Variants in KDM4C observed in about 807,000 individuals in gnomAD.
KDM4C encodes lysine demethylase 4C, also known as lysine-specific demethylase 4C.
A neutral mutation model predicts 129.3 loss-of-function variants in KDM4C; 81 were observed. That is an observed-to-expected ratio of 0.63 (90% CI 0.52 to 0.75). The LOEUF is 0.75. Among genes scored for constraint, KDM4C ranks in the 30% least tolerant of loss-of-function variants. The pLI is 0.00. For missense variants in KDM4C, 1,457 were observed against 1,304.0 expected, an observed-to-expected ratio of 1.12 and a Z score of -1.81; for synonymous variants, 573 against 456.1, an observed-to-expected ratio of 1.26 and a Z score of -3.26.
Position 6,745,091 on chromosome 9 carries a change from T to G in KDM4C, c.49+24094T>G, listed in dbSNP as rs566352187. On this transcript the variant is annotated intron_variant, in intron 1 of 17. Transcript: ENST00000536108. ...CACTGGAGATGTTTGCAGCAGCAGT[T>G]TTTGACCCCATTTTCTGGGTCAAAC... Among the ~76,000 whole-genome samples the G allele has an allele frequency of 3.3e-5, 5 of 152,216 alleles. No homozygotes were observed. In the East Asian group the frequency reaches 7.7e-4, roughly 23 times the overall value.
intron 5 of KDM4C, among the ~76,000 whole-genome samples, chr9:6,858,721 A>C (rs955725402): frequency 1.3e-5 from 2 of 152,008 alleles, no homozygotes; most frequent in African/African-American, 2.4e-5. Context: ...TCAGTGAGCC[A>C]ACATCGTGTC....
chr9:7,054,091 C>T (rs917493376), intron 17 of KDM4C, among the ~76,000 whole-genome samples: 4 of 152,222 alleles, frequency 2.6e-5, no homozygotes, highest in African/African-American at 9.6e-5. Flanking sequence ...CCTATTACTG[C>T]AAACCCCTTC....
intron 6 of KDM4C, among the ~76,000 whole-genome samples, chr9:6,886,943 T>A (rs1047230570): frequency 3.3e-5 from 5 of 152,194 alleles, no homozygotes; most frequent in Non-Finnish European, 5.9e-5. Context: ...TTGAGTTATC[T>A]GCATAGAGAG....
chr9:7,168,987 G>T (rs2130477641), intron 20 of KDM4C, among the ~76,000 whole-genome samples: 1 of 150,492 alleles, frequency 6.6e-6, no homozygotes, highest in South Asian at 2.1e-4. Flanking sequence ...TGAGGTTGCA[G>T]TGAGCTGAGA....
intron 19 of KDM4C, among the ~76,000 whole-genome samples, chr9:7,160,556 G>A (rs901449089): frequency 2.0e-5 from 3 of 152,144 alleles, no homozygotes; most frequent in Non-Finnish European, 2.9e-5. Context: ...ATTCCCTTCC[G>A]GTTGTTAGTT....
intron 8 of KDM4C, among the ~76,000 whole-genome samples, chr9:6,944,662 T>G (rs1032087997): frequency 1.4e-5 from 2 of 144,506 alleles, no homozygotes; most frequent in African/African-American, 2.5e-5. Context: ...GTTTTTTTTT[T>G]TTTTTTTTTT....
At chr9:7,046,792 A>G (rs1029664444) in intron 15 of KDM4C, 70 bp from the exon 16 acceptor site, 4 of 1,013,328 alleles carry the variant, frequency 3.9e-6, no homozygotes, top group Admixed American at 1.8e-5. Context: ...CTCTGAGAAT[A>G]TTTAGATGAA....
chr9:6,947,839 C>T (rs1827251291), intron 8 of KDM4C, among the ~76,000 whole-genome samples: 1 of 151,452 alleles, frequency 6.6e-6, no homozygotes, highest in Non-Finnish European at 1.5e-5. Flanking sequence ...TTTTTTTTTA[C>T]CAGCTTGTTA....
At position 7,001,558 on chromosome 9, in the gene KDM4C, C is replaced by A. The variant is rs146914005; in HGVS notation, c.1787-10140C>A. Among the ~76,000 whole-genome samples, 635 of 152,226 alleles carry A rather than the reference C, an allele frequency of 4.2e-3. 7 individuals are homozygous for A. The highest frequency in any genetic ancestry group is 0.015 in the African/African-American group (603 of 41,528). ...TGTTCTCTCCTTATTTCTGTATGCT[C>A]CCCTGAATAGTCCATGTCTTTATCT... On this transcript the variant is annotated intron_variant, in intron 12 of 21. Coordinates refer to ENST00000381309, the MANE Select transcript of KDM4C (RefSeq NM_015061.6).
intron 1 of KDM4C, among the ~76,000 whole-genome samples, chr9:6,747,747 C>T (rs960062579): frequency 1.7e-4 from 26 of 152,284 alleles, no homozygotes; most frequent in Admixed American, 1.6e-3. Context: ...AAATCTTTGC[C>T]TGCACAACTT....
intron 5 of KDM4C, among the ~76,000 whole-genome samples, chr9:6,865,502 T>C (rs1381691005): frequency 6.6e-6 from 1 of 152,182 alleles, no homozygotes; most frequent in African/African-American, 2.4e-5. Flanking sequence ...CTATTGTTTC[T>C]TGTGGATGTA....
intron 12 of KDM4C, among the ~76,000 whole-genome samples, chr9:6,994,424 C>T (rs1256711782): frequency 6.6e-6 from 1 of 152,206 alleles, no homozygotes; most frequent in Non-Finnish European, 1.5e-5. Context: ...CTCTCCTCTT[C>T]CACCTCTACC....
At chr9:7,022,405 T>C (rs1174520640) in intron 15 of KDM4C, among the ~76,000 whole-genome samples, 1 of 152,170 alleles carries the variant, frequency 6.6e-6, no homozygotes, top group Non-Finnish European at 1.5e-5. Context: ...TTTACTTTTC[T>C]TTGTAGCTAC....
chr9:6,933,723 G>C (rs1448546033), intron 8 of KDM4C, among the ~76,000 whole-genome samples: 2 of 152,150 alleles, frequency 1.3e-5, no homozygotes, highest in East Asian at 1.9e-4. Flanking sequence ...AAGTATTTTA[G>C]TTAAGAACAT....
chr9:6,737,967 T>C (rs1817578900), intron 1 of KDM4C, among the ~76,000 whole-genome samples: 1 of 150,832 alleles, frequency 6.6e-6, no homozygotes, highest in Non-Finnish European at 1.5e-5. Context: ...ACCCCATCTC[T>C]ACTAAAAATA....
At chr9:7,055,004 C>T (rs1830679270) in intron 17 of KDM4C, among the ~76,000 whole-genome samples, 1 of 152,038 alleles carries the variant, frequency 6.6e-6, no homozygotes, top group Non-Finnish European at 1.5e-5. Flanking sequence ...TGGTGAAACC[C>T]CATCTCTACT....
chr9:6,867,017 A>ATATATATT (rs1265774550), intron 5 of KDM4C, among the ~76,000 whole-genome samples: 6 of 83,780 alleles, frequency 7.2e-5, no homozygotes, highest in African/African-American at 2.7e-4. Flanking sequence ...ATATATATAT[A>ATATATATT]TTTTTTTTTT....
intron 1 of KDM4C, among the ~76,000 whole-genome samples, chr9:6,730,260 C>G (rs1368068011): frequency 6.6e-6 from 1 of 152,140 alleles, no homozygotes; most frequent in African/African-American, 2.4e-5. Context: ...TAAGCTGAAA[C>G]TTGATACTTT....
rs888323619 is a variant in KDM4C at position 6,767,713 on chromosome 9, C to T, written c.-18+9510C>T. Among the ~76,000 whole-genome samples, 8 of 152,244 alleles carry T rather than the reference C, an allele frequency of 5.3e-5. No individual in the cohort carries two copies. In the East Asian group the frequency reaches 1.3e-3, roughly 26 times the overall value. On this transcript the variant is annotated intron_variant, in intron 1 of 21. Coordinates refer to ENST00000381309, the MANE Select transcript of KDM4C (RefSeq NM_015061.6). Reference sequence around the variant, plus strand: ...TGACCTCAGGTGATGTCCGCTTCAGCCTTCCAAAGTGCTGGGATTACAGGC... The same window carrying T: ...TGACCTCAGGTGATGTCCGCTTCAGTCTTCCAAAGTGCTGGGATTACAGGC...
Sources: gnomAD v4.1 joint callset for allele counts (sites outside exome capture counted in the v4.1 genomes callset) on GRCh38, gnomAD v4.1.1 for gene constraint, MANE v1.5 for transcripts, NCBI Gene and HGNC (gene_info 2026-07-23, HGNC 2026-07-21) for gene names.